ADAM12: variants seen among roughly 807,000 people sequenced by gnomAD.
ADAM12 encodes ADAM metallopeptidase domain 12.
In ADAM12, 70 loss-of-function variants were observed where a neutral mutation model predicts 106.4. The ratio of observed to expected loss-of-function variants is 0.66; its 90% confidence interval spans 0.54 to 0.80. ADAM12 has a LOEUF of 0.80. ADAM12 is among the 30% of genes least tolerant of loss of function. The pLI is 0.00. For synonymous variants in ADAM12, 420 were observed against 433.5 expected (o/e 0.97, Z 0.39); for missense variants, 1,010 against 1,171.9 (o/e 0.86, Z 2.02).
At chr10:126,123,915 G>A (rs1956156534) in intron 5 of ADAM12, among the ~76,000 whole-genome samples, 1 of 152,172 alleles carries the variant, frequency 6.6e-6, no homozygotes, top group African/African-American at 2.4e-5. Context: ...TTCCTTGACA[G>A]GAAACAAAGA....
chr10:126,370,003 T>C (rs1856054238), intron 1 of ADAM12, among the ~76,000 whole-genome samples: 2 of 152,192 alleles, frequency 1.3e-5, no homozygotes, highest in African/African-American at 2.4e-5. Flanking sequence ...TGAAGCAAGC[T>C]TCTATATTGG....
At chr10:126,277,218 T>C (rs1959300791) in intron 3 of ADAM12, among the ~76,000 whole-genome samples, 1 of 152,182 alleles carries the variant, frequency 6.6e-6, no homozygotes. Context: ...CCTTCCCCCC[T>C]ATAATGTTCA....
chr10:126,235,339 A>C (rs1018175825), intron 3 of ADAM12, among the ~76,000 whole-genome samples: 2 of 152,216 alleles, frequency 1.3e-5, no homozygotes, highest in Non-Finnish European at 2.9e-5. Context: ...GCCTCCAGGC[A>C]GCAACACAAC....
At chr10:126,387,411 A>AAGAGGGAGAATTCCGCT (rs1554879180) in intron 1 of ADAM12, among the ~76,000 whole-genome samples, 23 of 152,026 alleles carry the variant, frequency 1.5e-4, no homozygotes, top group African/African-American at 5.3e-4. Flanking sequence ...GAGTGGAGGA[A>AAGAGGGAGAATTCCGCT]GGAGGGAGAA....
intron 2 of ADAM12, among the ~76,000 whole-genome samples, chr10:126,308,734 A>G (rs9422969): frequency 0.78 from 118,865 of 152,206 alleles, 46,521 homozygotes; most frequent in Admixed American, 0.81. Flanking sequence ...TGCCTGGTGT[A>G]CTTTGTGGTA....
chr10:126,291,338 C>G (rs1174474336), intron 2 of ADAM12, among the ~76,000 whole-genome samples: 1 of 152,188 alleles, frequency 6.6e-6, no homozygotes, highest in Non-Finnish European at 1.5e-5. Context: ...ATACTAAGCC[C>G]TTTAAAGAGT....
intron 2 of ADAM12, among the ~76,000 whole-genome samples, chr10:126,323,159 C>G (rs1192028719): frequency 6.6e-6 from 1 of 152,186 alleles, no homozygotes; most frequent in Non-Finnish European, 1.5e-5. Context: ...AGAGGAAACA[C>G]CATTGGCTGG....
chr10:126,103,431 T>C (rs1228884018), intron 8 of ADAM12, among the ~76,000 whole-genome samples: 2 of 152,240 alleles, frequency 1.3e-5, no homozygotes, highest in Non-Finnish European at 2.9e-5. Context: ...ATCACAGGCA[T>C]GATGCCACGG....
chr10:126,240,503 G>A (rs1958501155), intron 3 of ADAM12, among the ~76,000 whole-genome samples: 1 of 152,224 alleles, frequency 6.6e-6, no homozygotes, highest in South Asian at 2.1e-4. Flanking sequence ...AGGAGATGCA[G>A]TTTAAAGGGA....
chr10:126,129,693 G>A (rs755363860), intron 5 of ADAM12, among the ~76,000 whole-genome samples: 3 of 152,142 alleles, frequency 2.0e-5, no homozygotes, highest in Non-Finnish European at 2.9e-5. Context: ...CATACGATAC[G>A]GGACAAAATT....
intron 14 of ADAM12, among the ~76,000 whole-genome samples, chr10:126,055,243 T>C (rs1289288908): frequency 6.6e-6 from 1 of 152,168 alleles, no homozygotes; most frequent in Non-Finnish European, 1.5e-5. Flanking sequence ...TGGCCTGGGC[T>C]TCCAGACTCC....
chr10:126,209,951 C>T (rs1344647819), intron 3 of ADAM12, among the ~76,000 whole-genome samples: 1 of 152,230 alleles, frequency 6.6e-6, no homozygotes, highest in East Asian at 1.9e-4. Flanking sequence ...GATCACTCCT[C>T]ATGTGTAACT....
At chr10:126,151,218 T>C (rs1325113165) in intron 4 of ADAM12, among the ~76,000 whole-genome samples, 2 of 152,304 alleles carry the variant, frequency 1.3e-5, no homozygotes, top group East Asian at 3.9e-4. Flanking sequence ...CAATGCTAGA[T>C]GGATAATTTT....
chr10:126,168,450 A>G lies in ADAM12; in HGVS notation c.261-13145T>C, dbSNP rs987015757. On this transcript the variant is annotated intron_variant, in intron 3 of 22. Transcript: ENST00000448723. The stretch of plus-strand genomic sequence containing the variant: ...TCACAGGGACACTATATGGGAAGTT[A>G]ATATATGCTATAGATGATAAACATG... Among the ~76,000 whole-genome samples, 25 of 152,300 alleles carry G rather than the reference A, an allele frequency of 1.6e-4. No individual in the cohort carries two copies. The Middle Eastern group carries it at 0.014, about 83-fold the overall frequency.
chr10:126,144,436 T>C (rs11244834), intron 4 of ADAM12, among the ~76,000 whole-genome samples: 49,241 of 152,108 alleles, frequency 0.32, 8,317 homozygotes, highest in Non-Finnish European at 0.38. Context: ...TATTTTCCAC[T>C]TGCTATTTTC....
At chr10:126,021,526 G>T (rs1245161444) in intron 21 of ADAM12, among the ~76,000 whole-genome samples, 3 of 152,184 alleles carry the variant, frequency 2.0e-5, no homozygotes, top group Non-Finnish European at 2.9e-5. Flanking sequence ...ATTGGGCTAG[G>T]AAAAAGCCCC....
intron 2 of ADAM12, among the ~76,000 whole-genome samples, chr10:126,292,982 A>G (rs917475938): frequency 8.5e-5 from 13 of 152,214 alleles, no homozygotes; most frequent in Admixed American, 2.6e-4. Flanking sequence ...GTGGGGCCCA[A>G]GCATTTGCAT....
intron 1 of ADAM12, among the ~76,000 whole-genome samples, chr10:126,365,031 C>A (rs186057837): frequency 6.6e-6 from 1 of 152,162 alleles, no homozygotes. Context: ...ACAGCACACT[C>A]ATTCTGGTCT....
intron 14 of ADAM12, among the ~76,000 whole-genome samples, chr10:126,051,580 T>TACAGCCAG (rs1954497222): frequency 9.9e-6 from 1 of 100,920 alleles, no homozygotes; most frequent in Non-Finnish European, 1.8e-5. Flanking sequence ...CATCCATCCA[T>TACAGCCAG]CCATCCATCC....
Sources: gnomAD v4.1 joint callset for allele counts (sites outside exome capture counted in the v4.1 genomes callset) on GRCh38, gnomAD v4.1.1 for gene constraint, MANE v1.5 for transcripts, NCBI Gene and HGNC (gene_info 2026-07-23, HGNC 2026-07-21) for gene names.